Variants in GRID1 observed in about 807,000 individuals in gnomAD.
The protein encoded by GRID1 is glutamate ionotropic receptor delta type subunit 1, also known as glutamate receptor ionotropic, delta-1.
Under a neutral mutation model 98.0 loss-of-function variants are expected in GRID1, and 28 were observed. The observed-to-expected ratio is 0.29, with a 90% CI of 0.21 to 0.39. GRID1 has a LOEUF of 0.39. GRID1 is among the 10% of genes least tolerant of loss of function. The pLI is 1.00. For synonymous variants in GRID1, 553 were observed against 538.5 expected, an observed-to-expected ratio of 1.03 and a Z score of -0.37; for missense variants, 1,111 against 1,340.5, an observed-to-expected ratio of 0.83 and a Z score of 2.67.
intron 2 of GRID1, among the ~76,000 whole-genome samples, chr10:86,219,693 C>T (rs1303348861): frequency 6.6e-6 from 1 of 152,182 alleles, no homozygotes; most frequent in East Asian, 1.9e-4. Flanking sequence ...CATCCCAGGT[C>T]CTTTCTGTTC....
intron 2 of GRID1, among the ~76,000 whole-genome samples, chr10:86,285,509 G>A (rs1431245474): frequency 6.6e-6 from 1 of 152,220 alleles, no homozygotes; most frequent in African/African-American, 2.4e-5. Context: ...CAGGGCCCCT[G>A]CCGACTGGGT....
At chr10:85,685,828 T>C (rs2132603181) in intron 12 of GRID1, among the ~76,000 whole-genome samples, 1 of 152,244 alleles carries the variant, frequency 6.6e-6, no homozygotes, top group African/African-American at 2.4e-5. Flanking sequence ...ATAGAAAATG[T>C]AGCAGAAATA....
intron 12 of GRID1, among the ~76,000 whole-genome samples, chr10:85,690,523 G>A (rs1841320231): frequency 6.6e-6 from 1 of 152,130 alleles, no homozygotes; most frequent in Non-Finnish European, 1.5e-5. Flanking sequence ...ACCAAACAAT[G>A]TACTGCTGAA....
At chr10:86,014,640 G>C (rs10887549) in intron 4 of GRID1, among the ~76,000 whole-genome samples, 1 of 152,012 alleles carries the variant, frequency 6.6e-6, no homozygotes, top group African/African-American at 2.4e-5. Context: ...AAGATCACTC[G>C]GCAAGTATGT....
rs1285888023 is a variant in GRID1 at position 85,788,424 on chromosome 10, TG to T, written c.1234-58811del. Reference sequence around the variant, plus strand: ...TTATGGTCTTGTCTCCCCTAAAGAGTGGGGTCCCCATTAAAGCAGGGATGAG... The same window carrying T: ...TTATGGTCTTGTCTCCCCTAAAGAGTGGGTCCCCATTAAAGCAGGGATGAG... On this transcript the variant is annotated intron_variant, in intron 8 of 15. Transcript: ENST00000327946. 3.9e-5 allele frequency among the ~76,000 whole-genome samples: 6 copies of T among 152,218 alleles called. No homozygotes were observed. The East Asian group carries it at 9.7e-4, about 25-fold the overall frequency.
At chr10:86,031,689 C>T (rs1278789594) in intron 4 of GRID1, among the ~76,000 whole-genome samples, 1 of 152,050 alleles carries the variant, frequency 6.6e-6, no homozygotes, top group Non-Finnish European at 1.5e-5. Context: ...TCTCAAAGGC[C>T]TCCTTCCTTT....
At chr10:86,111,684 T>C (rs1169254951) in intron 4 of GRID1, among the ~76,000 whole-genome samples, 2 of 152,176 alleles carry the variant, frequency 1.3e-5, no homozygotes, top group Non-Finnish European at 2.9e-5. Context: ...CTGGTGAAAG[T>C]GTTCACATGA....
At chr10:85,858,584 T>C (rs1843135988) in intron 6 of GRID1, among the ~76,000 whole-genome samples, 1 of 152,210 alleles carries the variant, frequency 6.6e-6, no homozygotes, top group African/African-American at 2.4e-5. Flanking sequence ...AAACCCATGA[T>C]GGAGATGTTG....
chr10:86,345,628 G>T (rs1848371111), intron 2 of GRID1, among the ~76,000 whole-genome samples: 1 of 152,220 alleles, frequency 6.6e-6, no homozygotes, highest in Admixed American at 6.5e-5. Context: ...GGTTGGGGGA[G>T]CTGACTAGCC....
chr10:86,006,308 G>T (rs1367024216), intron 4 of GRID1, among the ~76,000 whole-genome samples: 1 of 152,164 alleles, frequency 6.6e-6, no homozygotes, highest in Non-Finnish European at 1.5e-5. Context: ...ACAAAAATTA[G>T]CTGTAGTTGT....
At chr10:86,011,329 AT>A (rs35475983) in intron 4 of GRID1, among the ~76,000 whole-genome samples, 1 of 152,030 alleles carries the variant, frequency 6.6e-6, no homozygotes, top group Non-Finnish European at 1.5e-5. Flanking sequence ...GATTTTTGTC[AT>A]TTTTTTTCAT....
At chr10:85,737,949 G>A (rs1841903431) in intron 8 of GRID1, among the ~76,000 whole-genome samples, 1 of 151,662 alleles carries the variant, frequency 6.6e-6, no homozygotes, top group Admixed American at 6.6e-5. Context: ...TATTAAAGTG[G>A]GTAAGAAGAA....
chr10:85,938,142 AAAGATCTTGCCAGGGGGAATC>A (rs1231936655), intron 4 of GRID1, among the ~76,000 whole-genome samples: 1 of 152,170 alleles, frequency 6.6e-6, no homozygotes, highest in African/African-American at 2.4e-5. Context: ...TTATGATCCC[AAAGATCTTGCCAGGGGGAATC>A]TGGATGGGAG....
chr10:85,838,890 T>C (rs1842936098), intron 8 of GRID1, among the ~76,000 whole-genome samples: 1 of 151,998 alleles, frequency 6.6e-6, no homozygotes, highest in Non-Finnish European at 1.5e-5. Flanking sequence ...TATGCTGTCT[T>C]CAAGAGACCC....
chr10:86,319,735 G>A (rs1424967452), intron 2 of GRID1, among the ~76,000 whole-genome samples: 3 of 152,234 alleles, frequency 2.0e-5, no homozygotes, highest in East Asian at 1.9e-4. Context: ...AGTTGCTGAC[G>A]AGGACAGGGA....
intron 4 of GRID1, among the ~76,000 whole-genome samples, chr10:86,003,835 TAA>T (rs1429051829): frequency 6.6e-6 from 1 of 152,106 alleles, no homozygotes; most frequent in East Asian, 1.9e-4. Context: ...ATGTGAAAAA[TAA>T]AGTGTAACGA....
At chr10:86,310,350 G>A (rs1187068740) in intron 2 of GRID1, among the ~76,000 whole-genome samples, 2 of 152,104 alleles carry the variant, frequency 1.3e-5, no homozygotes, top group Non-Finnish European at 2.9e-5. Flanking sequence ...GCCACACTGA[G>A]ATTCTTTATA....
At chr10:85,987,566 T>C in intron 4 of GRID1, among the ~76,000 whole-genome samples, 1 of 119,878 alleles carries the variant, frequency 8.3e-6, no homozygotes, top group African/African-American at 3.2e-5. Flanking sequence ...GCCTTACCTC[T>C]CCCCAGCCTC....
chr10:85,613,394 C>T lies in GRID1; in HGVS notation c.2601+13G>A. 2 of 1,607,528 alleles carry T rather than the reference C, an allele frequency of 1.2e-6. No individual in the cohort carries two copies. The highest frequency in any genetic ancestry group is 1.7e-6 in the Non-Finnish European group (2 of 1,176,656). ...TAGGCTGTGAAAGGGAGGGCAGGCC[C>T]CAGGGTGCTGACCTCCTTGGGGGTC... On this transcript the variant is annotated intron_variant, in intron 15 of 15. Coordinates refer to ENST00000327946, the MANE Select transcript of GRID1 (RefSeq NM_017551.3).
Sources: allele counts gnomAD v4.1 joint callset (sites outside exome capture counted in the v4.1 genomes callset), GRCh38; gene constraint gnomAD v4.1.1; transcripts MANE v1.5; gene names NCBI Gene and HGNC (gene_info 2026-07-23, HGNC 2026-07-21).